Variants in COL22A1 observed in about 807,000 individuals in gnomAD.
COL22A1 encodes the protein collagen type XXII alpha 1 chain.
COL22A1 carries 221 observed loss-of-function variants against 248.9 expected under a neutral mutation model. The observed-to-expected ratio is 0.89, with a 90% CI of 0.80 to 0.99. The LOEUF is 0.99. Ranked by LOEUF, COL22A1 falls within the 50% of genes least tolerant of loss-of-function variation. The probability of loss-of-function intolerance (pLI) is 0.00; values close to 1 mark genes in which losing one functional copy is unlikely to be tolerated. For missense variants in COL22A1, 2,240 were observed against 2,179.0 expected, an observed-to-expected ratio of 1.03 and a Z score of -0.56; for synonymous variants, 891 against 793.4, an observed-to-expected ratio of 1.12 and a Z score of -2.07.
intron 1 of COL22A1, among the ~76,000 whole-genome samples, chr8:138,910,872 A>C (rs1226403633): frequency 1.3e-5 from 2 of 152,208 alleles, no homozygotes; most frequent in Non-Finnish European, 2.9e-5. Flanking sequence ...TGAGATATGA[A>C]TGACACACAC....
At chr8:138,901,263 G>A (rs892918465) in intron 1 of COL22A1, among the ~76,000 whole-genome samples, 3 of 151,922 alleles carry the variant, frequency 2.0e-5, no homozygotes, top group African/African-American at 7.2e-5. Flanking sequence ...AAGGGGAATG[G>A]GGTGAGGAGT....
chr8:138,862,339 G>A (rs1407691735), intron 3 of COL22A1, among the ~76,000 whole-genome samples: 2 of 152,204 alleles, frequency 1.3e-5, no homozygotes, highest in East Asian at 1.9e-4. Context: ...TAGGGAAGTC[G>A]GCCTCTGTCC....
intron 56 of COL22A1, among the ~76,000 whole-genome samples, chr8:138,613,362 C>A (rs1471587434): frequency 1.3e-5 from 2 of 152,138 alleles, no homozygotes; most frequent in Admixed American, 1.3e-4. Context: ...CAAGGAACGC[C>A]CTCGAGAGCC....
chr8:138,800,239 G>A (rs933560703), intron 11 of COL22A1, among the ~76,000 whole-genome samples: 1 of 152,136 alleles, frequency 6.6e-6, no homozygotes, highest in Non-Finnish European at 1.5e-5. Context: ...GGAAAGGGTT[G>A]ATCAGAATCC....
intron 3 of COL22A1, among the ~76,000 whole-genome samples, chr8:138,857,160 C>T (rs1256116706): frequency 2.6e-5 from 4 of 152,046 alleles, no homozygotes; most frequent in Non-Finnish European, 4.4e-5. Flanking sequence ...TATCTGCTGA[C>T]CCCATGCCCA....
intron 3 of COL22A1, among the ~76,000 whole-genome samples, chr8:138,844,756 C>T (rs1286804334): frequency 6.6e-6 from 1 of 152,096 alleles, no homozygotes; most frequent in Non-Finnish European, 1.5e-5. Flanking sequence ...CGAGATCATC[C>T]TGGCTAACAC....
intron 58 of COL22A1, 43 bp downstream of exon 58, chr8:138,606,338 C>T (rs1347031806): frequency 1.1e-5 from 18 of 1,567,436 alleles, no homozygotes; most frequent in African/African-American, 2.7e-5. Context: ...ACATCACTAC[C>T]TGGAGCCAGG....
chr8:138,732,824 G>T (rs1259430194), intron 23 of COL22A1, among the ~76,000 whole-genome samples: 1 of 152,184 alleles, frequency 6.6e-6, no homozygotes, highest in East Asian at 1.9e-4. Flanking sequence ...GATGATGCAT[G>T]AATGACTAAT....
Position 138,802,910 on chromosome 8 carries a change from C to A in COL22A1, c.1519G>T (p.Val507Phe). The A allele has an allele frequency of 6.2e-7, 1 of 1,614,036 alleles. No individual in the cohort carries two copies. The highest frequency in any genetic ancestry group is 8.5e-7 in the Non-Finnish European group (1 of 1,179,878). The change falls in exon 11 of 65, where the codon GTT (valine) becomes TTT (phenylalanine). Residue 507 changes from valine to phenylalanine, a missense_variant. Val to Phe is a conservative substitution (Grantham distance 50). Coordinates refer to ENST00000303045, the MANE Select transcript of COL22A1 (RefSeq NM_152888.3). ...PKGDIGAIGP[V>F]GAPGPKGEKG... ...TCTCCCTTAGGTCCAGGAGCGCCAA[C>A]CGGCCCAATGGCTCCTATGTCTCCC... is the stretch of plus-strand genomic sequence containing the variant.
chr8:138,910,878 C>T (rs942967459), intron 1 of COL22A1, among the ~76,000 whole-genome samples: 3 of 152,184 alleles, frequency 2.0e-5, no homozygotes, highest in Non-Finnish European at 4.4e-5. Context: ...ATGAATGACA[C>T]ACACGTAGTC....
intron 1 of COL22A1, among the ~76,000 whole-genome samples, chr8:138,892,970 G>C (rs541631220): frequency 1.4e-4 from 22 of 152,320 alleles, no homozygotes; most frequent in African/African-American, 5.3e-4. Context: ...TCTGTGTCCA[G>C]AGCACTGAAC....
chr8:138,780,671 T>C (rs1175357131), intron 13 of COL22A1, among the ~76,000 whole-genome samples: 1 of 152,186 alleles, frequency 6.6e-6, no homozygotes, highest in Non-Finnish European at 1.5e-5. Context: ...CAAGGTTGCC[T>C]TGCAGAACTA....
At chr8:138,841,901 G>A (rs777044835) in intron 4 of COL22A1, among the ~76,000 whole-genome samples, 12 of 152,206 alleles carry the variant, frequency 7.9e-5, no homozygotes, top group African/African-American at 1.4e-4. Context: ...ATATTGCAAC[G>A]CAGCCTATTT....
chr8:138,682,154 G>T (rs1436887356), intron 39 of COL22A1, among the ~76,000 whole-genome samples: 1 of 152,126 alleles, frequency 6.6e-6, no homozygotes, highest in Non-Finnish European at 1.5e-5. Context: ...ATAAAAAGGG[G>T]AAAAAACATC....
At position 138,877,922 on chromosome 8, in the gene COL22A1, C is replaced by T. The variant is rs781713813; in HGVS notation, c.486G>A (p.Ala162=). The T allele has an allele frequency of 1.2e-6, 2 of 1,607,044 alleles. No individual in the cohort carries two copies. Among genetic ancestry groups the T allele is most frequent in the South Asian group, 1.1e-5 (1 of 90,090 alleles). ...GRSQDLVLDA[A]AAAHRAGIRI... The stretch of plus-strand genomic sequence containing the variant: ...GGATGCCAGCGCGGTGGGCTGCCGC[C>T]GCGGCGTCCAGCACCAGGTCCTGGC... The change falls in exon 3 of 65, where the codon GCG becomes GCA. Residue 162 remains alanine (A), a synonymous_variant. Coordinates refer to ENST00000303045, the MANE Select transcript of COL22A1 (RefSeq NM_152888.3).
chr8:138,654,903 T>A (rs915817803), intron 45 of COL22A1, among the ~76,000 whole-genome samples: 5 of 152,100 alleles, frequency 3.3e-5, no homozygotes, highest in Non-Finnish European at 7.3e-5. Context: ...CACATCTGAG[T>A]TTGTCCTGGA....
chr8:138,762,297 C>T, intron 17 of COL22A1, 116 bp downstream of exon 17: 1 of 1,009,546 alleles, frequency 9.9e-7, no homozygotes, highest in South Asian at 1.5e-5. Flanking sequence ...CAGCCTCCAG[C>T]TGAGCAAGGA....
chr8:138,831,299 G>A (rs955464269), intron 5 of COL22A1, among the ~76,000 whole-genome samples: 3 of 152,040 alleles, frequency 2.0e-5, no homozygotes, highest in Non-Finnish European at 2.9e-5. Flanking sequence ...CACTCCTTAC[G>A]GGCTGTTGAC....
intron 27 of COL22A1, among the ~76,000 whole-genome samples, chr8:138,718,429 A>T (rs184632886): frequency 6.6e-6 from 1 of 152,348 alleles, no homozygotes; most frequent in Admixed American, 6.5e-5. Context: ...ATTGAAGACC[A>T]TCTGAAGTCC....
Sources: gnomAD v4.1 joint callset for allele counts (sites outside exome capture counted in the v4.1 genomes callset) on GRCh38, gnomAD v4.1.1 for gene constraint, MANE v1.5 for transcripts, NCBI Gene and HGNC (gene_info 2026-07-23, HGNC 2026-07-21) for gene names.